Variants in RBFOX1 observed in about 807,000 individuals in gnomAD.
RBFOX1 encodes RNA binding fox-1 homolog 1, also known as RNA binding protein fox-1 homolog 1.
A neutral mutation model predicts 57.7 loss-of-function variants in RBFOX1; 8 were observed. The ratio of observed to expected loss-of-function variants is 0.14; its 90% CI spans 0.08 to 0.25. RBFOX1 has a LOEUF of 0.25. Among genes scored for constraint, RBFOX1 ranks in the 10% least tolerant of loss-of-function variants. RBFOX1 has a pLI of 1.00. For synonymous variants in RBFOX1, 326 were observed against 222.4 expected (o/e 1.47, Z -4.15); for missense variants, 611 against 548.5 (o/e 1.11, Z -1.14).
chr16:7,509,554 T>C (rs991826615), intron 4 of RBFOX1, among the ~76,000 whole-genome samples: 1 of 152,146 alleles, frequency 6.6e-6, no homozygotes, highest in Non-Finnish European at 1.5e-5. Flanking sequence ...GCTTGGAGTA[T>C]CACAATAACT....
At chr16:6,354,913 T>G (rs539692979) in intron 2 of RBFOX1, among the ~76,000 whole-genome samples, 261 of 152,258 alleles carry the variant, frequency 1.7e-3, no homozygotes, top group African/African-American at 6.0e-3. Flanking sequence ...GATATACCAG[T>G]GTTCACATAA....
intron 3 of RBFOX1, among the ~76,000 whole-genome samples, chr16:5,721,623 A>C (rs2051939096): frequency 1.3e-5 from 2 of 152,100 alleles, no homozygotes; most frequent in African/African-American, 4.8e-5. Flanking sequence ...TCCCTTTATA[A>C]TTTTGAAAAC....
intron 1 of RBFOX1, among the ~76,000 whole-genome samples, chr16:5,317,604 G>A (rs1482742495): frequency 1.3e-5 from 2 of 152,160 alleles, no homozygotes; most frequent in African/African-American, 2.4e-5. Context: ...CTGAGACTCT[G>A]TCTTGAAGTG....
At chr16:7,646,470 T>C (rs565008434) in intron 11 of RBFOX1, among the ~76,000 whole-genome samples, 72 of 152,320 alleles carry the variant, frequency 4.7e-4, no homozygotes, top group African/African-American at 1.6e-3. Context: ...CAAATTTGCA[T>C]GAATCTCTCT....
intron 4 of RBFOX1, among the ~76,000 whole-genome samples, chr16:7,281,393 G>A (rs541960553): frequency 2.0e-5 from 3 of 152,004 alleles, no homozygotes; most frequent in Admixed American, 6.6e-5. Flanking sequence ...TTGTATGAGA[G>A]CCAGGTGACT....
At chr16:7,464,356 C>T (rs997733043) in intron 4 of RBFOX1, among the ~76,000 whole-genome samples, 2 of 151,978 alleles carry the variant, frequency 1.3e-5, no homozygotes, top group African/African-American at 4.8e-5. Flanking sequence ...GACTCTTTTC[C>T]AAAGGAATAT....
At chr16:6,076,331 C>T (rs757919081) in intron 1 of RBFOX1, among the ~76,000 whole-genome samples, 14 of 150,370 alleles carry the variant, frequency 9.3e-5, no homozygotes, top group South Asian at 2.1e-4. Flanking sequence ...CACAAACACA[C>T]GCGCACACAC....
intron 4 of RBFOX1, among the ~76,000 whole-genome samples, chr16:5,918,954 C>T (rs1355776692): frequency 6.6e-6 from 1 of 152,182 alleles, no homozygotes; most frequent in Non-Finnish European, 1.5e-5. Context: ...AGGTGTTCCA[C>T]ATGGGGTGAA....
chr16:6,792,254 T>G (rs1410837831), intron 3 of RBFOX1, among the ~76,000 whole-genome samples: 3 of 152,208 alleles, frequency 2.0e-5, no homozygotes, highest in African/African-American at 7.2e-5. Flanking sequence ...GATATTTAGA[T>G]TTTGTAAGAA....
At position 7,095,686 on chromosome 16, in the gene RBFOX1, C is replaced by G. The variant is rs532048025; in HGVS notation, c.27+43588C>G. The stretch of plus-strand genomic sequence containing the variant: ...TCATGTTGGTAAGGTCTTGGTTGAT[C>G]ACTCGATAAGTAGCAATTTGTTTTT... On this transcript the variant is annotated intron_variant, in intron 4 of 15. Coordinates refer to ENST00000550418, the MANE Select transcript of RBFOX1 (RefSeq NM_018723.4). Among the ~76,000 whole-genome samples, 28 of 152,220 alleles carry G rather than the reference C, an allele frequency of 1.8e-4. 1 individual carries two copies. The highest frequency in any genetic ancestry group is 1.2e-3 in the East Asian group (6 of 5,164).
intron 1 of RBFOX1, among the ~76,000 whole-genome samples, chr16:5,257,127 A>T (rs1369670239): frequency 6.6e-6 from 1 of 151,700 alleles, no homozygotes. Flanking sequence ...GGTTCTTTCC[A>T]CAAGATTGCT....
intron 15 of RBFOX1, chr16:7,709,375 T>G (rs2083518764): frequency 1.7e-6 from 2 of 1,179,344 alleles, no homozygotes; most frequent in South Asian, 3.5e-5. Context: ...AGCAGAGCAC[T>G]TACCTTAATG....
Position 7,131,772 on chromosome 16 carries a change from T to G in RBFOX1, c.27+79674T>G, listed in dbSNP as rs74700548. Among the ~76,000 whole-genome samples, 169 of 152,128 alleles carry G rather than the reference T, an allele frequency of 1.1e-3. 1 individual carries two copies. Among genetic ancestry groups the G allele is most frequent in the African/African-American group, 4.0e-3 (167 of 41,524 alleles). On this transcript the variant is annotated intron_variant, in intron 4 of 15. Coordinates refer to ENST00000550418, the MANE Select transcript of RBFOX1 (RefSeq NM_018723.4). ...GCCACTCAGGTTCTCTGAAGGAGCT[T>G]GATTTGGGGCCTGTGAATAGTCCTG...
At chr16:5,561,541 C>G (rs2045890967) in intron 2 of RBFOX1, among the ~76,000 whole-genome samples, 1 of 152,018 alleles carries the variant, frequency 6.6e-6, no homozygotes. Context: ...CAAAAGAAAG[C>G]CATTATGCAA....
chr16:7,631,485 G>C (rs1045366109), intron 11 of RBFOX1, among the ~76,000 whole-genome samples: 3 of 152,186 alleles, frequency 2.0e-5, no homozygotes, highest in African/African-American at 7.2e-5. Context: ...TGTTCTCCCA[G>C]AGGGTATACC....
intron 1 of RBFOX1, chr16:5,366,115 G>A (rs771516704): frequency 1.1e-5 from 5 of 459,158 alleles, no homozygotes; most frequent in African/African-American, 4.0e-5. Context: ...GGTTCAGGGC[G>A]AGTGCATGCT....
chr16:6,326,232 T>C (rs771356592), intron 2 of RBFOX1, among the ~76,000 whole-genome samples: 18 of 152,216 alleles, frequency 1.2e-4, no homozygotes, highest in African/African-American at 7.2e-5. Context: ...GATTCATTCA[T>C]AAATAGCTAT....
intron 4 of RBFOX1, among the ~76,000 whole-genome samples, chr16:7,062,893 A>ATT (rs1170936027): frequency 0.028 from 1,311 of 46,726 alleles, 107 homozygotes; most frequent in Non-Finnish European, 0.038. Context: ...AATGATCGCC[A>ATT]TTTTTTTTTT....
intron 1 of RBFOX1, among the ~76,000 whole-genome samples, chr16:5,294,261 T>A (rs550811635): frequency 6.6e-6 from 1 of 152,014 alleles, no homozygotes; most frequent in South Asian, 2.1e-4. Flanking sequence ...ACACACAAAG[T>A]CAAAAAATAC....
Sources: allele counts gnomAD v4.1 joint callset (sites outside exome capture counted in the v4.1 genomes callset), GRCh38; gene constraint gnomAD v4.1.1; transcripts MANE v1.5; gene names NCBI Gene and HGNC (gene_info 2026-07-23, HGNC 2026-07-21).